ANXA10: variants seen among roughly 807,000 people sequenced by gnomAD.
The protein encoded by ANXA10 is annexin 14.
ANXA10 carries 49 observed loss-of-function variants against 53.5 expected under a neutral mutation model. The observed-to-expected ratio is 0.92, with a 90% CI of 0.73 to 1.16. ANXA10 has a LOEUF of 1.16. ANXA10 is among the 50% of genes most tolerant of loss of function. The probability of loss-of-function intolerance (pLI) is 0.00; values close to 1 mark genes in which losing one functional copy is unlikely to be tolerated. For synonymous variants in ANXA10, 131 were observed against 128.9 expected (o/e 1.02, Z -0.11); for missense variants, 393 against 394.4 (o/e 1.00, Z 0.03).
intron 3 of ANXA10, among the ~76,000 whole-genome samples, chr4:168,143,063 C>T (rs1731351085): frequency 6.6e-6 from 1 of 152,092 alleles, no homozygotes; most frequent in Admixed American, 6.6e-5. Context: ...AAAGGAAAAG[C>T]ATCCTTTCAT....
chr4:168,183,764 A>G (rs974927849), intron 10 of ANXA10, among the ~76,000 whole-genome samples: 2 of 152,214 alleles, frequency 1.3e-5, no homozygotes, highest in African/African-American at 4.8e-5. Context: ...AGTGAACTCT[A>G]AAGTGAACGA....
At chr4:168,180,573 A>G (rs1732221111) in intron 9 of ANXA10, among the ~76,000 whole-genome samples, 1 of 152,220 alleles carries the variant, frequency 6.6e-6, no homozygotes, top group South Asian at 2.1e-4. Context: ...ACAATGAAAC[A>G]ACAAAAACAG....
chr4:168,118,403 ACT>A (rs2149467811), intron 1 of ANXA10, among the ~76,000 whole-genome samples: 1 of 152,220 alleles, frequency 6.6e-6, no homozygotes, highest in South Asian at 2.1e-4. Flanking sequence ...AGCTATTGTA[ACT>A]CTGCAGGGTC....
intron 2 of ANXA10, among the ~76,000 whole-genome samples, chr4:168,133,165 T>C (rs1731180952): frequency 6.6e-6 from 1 of 152,090 alleles, no homozygotes; most frequent in Non-Finnish European, 1.5e-5. Flanking sequence ...CCAAGCATAG[T>C]GCTGAAGTAC....
chr4:168,169,446 A>C (rs955110706), intron 6 of ANXA10, among the ~76,000 whole-genome samples: 17 of 152,188 alleles, frequency 1.1e-4, no homozygotes, highest in Admixed American at 1.1e-3. Context: ...TATTTTCCTA[A>C]GGACTTTATT....
chr4:168,154,782 G>T (rs1384089836), intron 3 of ANXA10, among the ~76,000 whole-genome samples: 1 of 152,102 alleles, frequency 6.6e-6, no homozygotes, highest in African/African-American at 2.4e-5. Flanking sequence ...TTGTGTGCCT[G>T]ATTTTCTTAT....
chr4:168,117,444 T>C (rs1730912369), intron 1 of ANXA10, among the ~76,000 whole-genome samples: 1 of 152,326 alleles, frequency 6.6e-6, no homozygotes, highest in South Asian at 2.1e-4. Flanking sequence ...CATCACTTCA[T>C]GGTTTCTTAT....
chr4:168,160,713 C>T (rs1442545711), intron 3 of ANXA10, among the ~76,000 whole-genome samples: 1 of 152,092 alleles, frequency 6.6e-6, no homozygotes, highest in Non-Finnish European at 1.5e-5. Flanking sequence ...CACAACCTCA[C>T]CAACATCTGT....
In ANXA10 at chr4:168,148,174, ATT is replaced by A. The variant is rs35381933; in HGVS notation, c.195+8609_195+8610del. 1.0e-3 allele frequency among the ~76,000 whole-genome samples: 148 copies of A among 143,052 alleles called. 1 individual carries two copies. Among genetic ancestry groups the A allele is most frequent in the Middle Eastern group, 3.5e-3 (1 of 282 alleles). The allele number at this position is 143,052 out of a possible 152,430, so 93.8% of individuals were successfully genotyped here. ...AATTGGGTTTGACCCATATGTGACA[ATT>A]TTTTTTTTTTTTTTGAGACGGAATC... On this transcript the variant is annotated intron_variant, in intron 3 of 11. Transcript: ENST00000359299.
At chr4:168,141,339 A>G (rs1239671266) in intron 3 of ANXA10, among the ~76,000 whole-genome samples, 2 of 152,192 alleles carry the variant, frequency 1.3e-5, no homozygotes, top group Admixed American at 6.5e-5. Flanking sequence ...TTCTCTCTTT[A>G]AACTGACTTA....
chr4:168,180,178 C>T (rs551354257), intron 9 of ANXA10, among the ~76,000 whole-genome samples: 2 of 151,852 alleles, frequency 1.3e-5, no homozygotes, highest in African/African-American at 4.8e-5. Context: ...TGATGAAACC[C>T]CTAAAATAGT....
intron 3 of ANXA10, among the ~76,000 whole-genome samples, chr4:168,153,354 C>A (rs553127136): frequency 2.1e-4 from 30 of 144,234 alleles, no homozygotes; most frequent in Non-Finnish European, 4.3e-4. Context: ...CTTCCCCATC[C>A]CTCTTTTCTG....
chr4:168,177,659 T>A lies in ANXA10; in HGVS notation c.481-81T>A, dbSNP rs558833353. The A allele has an allele frequency of 1.1e-5, 15 of 1,380,198 alleles. No homozygotes were observed. The Admixed American group carries it at 2.4e-4, about 22-fold the overall frequency. The allele number at this position is 1,380,198 out of a possible 1,614,324, so 85.5% of individuals were successfully genotyped here. A position where few individuals can be genotyped will look rare whatever the true frequency, so the allele number is the denominator to read the frequency against. ...TTCCTTAGGAACAATCAGAATGTTT[T>A]TCAAGGATTTCAGTCTCACTAATCC... On this transcript the variant is annotated intron_variant, in intron 6 of 11. Coordinates refer to ENST00000359299, the MANE Select transcript of ANXA10 (RefSeq NM_007193.5).
intron 6 of ANXA10, among the ~76,000 whole-genome samples, chr4:168,169,308 C>G (rs1035199485): frequency 6.6e-6 from 1 of 152,072 alleles, no homozygotes; most frequent in Non-Finnish European, 1.5e-5. Context: ...ATTAAAGCAA[C>G]AGTTTCCACT....
At chr4:168,126,550 A>G (rs1342327425) in intron 1 of ANXA10, among the ~76,000 whole-genome samples, 1 of 152,106 alleles carries the variant, frequency 6.6e-6, no homozygotes, top group Non-Finnish European at 1.5e-5. Context: ...CTGCAGTCCC[A>G]CTTCCCAGAT....
chr4:168,161,855 C>T (rs1217022448), intron 3 of ANXA10, among the ~76,000 whole-genome samples: 1 of 152,030 alleles, frequency 6.6e-6, no homozygotes, highest in African/African-American at 2.4e-5. Flanking sequence ...CATGATTTGG[C>T]TCTTGGCTTG....
chr4:168,129,271 T>C (rs1731122285), intron 2 of ANXA10, among the ~76,000 whole-genome samples: 1 of 152,192 alleles, frequency 6.6e-6, no homozygotes, highest in African/African-American at 2.4e-5. Flanking sequence ...CTTTAGGAGT[T>C]TGCAATGCTT....
At chr4:168,124,267 A>AT (rs1413986441) in intron 1 of ANXA10, among the ~76,000 whole-genome samples, 1 of 152,204 alleles carries the variant, frequency 6.6e-6, no homozygotes, top group Non-Finnish European at 1.5e-5. Context: ...GACGGTCGCC[A>AT]TGATCATAAG....
chr4:168,187,590 A>G lies in ANXA10; in HGVS notation c.*156A>G. The G allele has an allele frequency of 4.4e-6, 2 of 452,956 alleles. No individual in the cohort carries two copies. The highest frequency in any genetic ancestry group is 7.7e-6 in the Non-Finnish European group (2 of 260,344). 28.1% of individuals were successfully genotyped at this position (452,956 alleles called of 1,614,324 possible). On this transcript the variant is annotated 3_prime_UTR_variant, in exon 12 of 12. Transcript: ENST00000359299. ...AAATTATTCTAAGCCAAAGAAAACT[A>G]TGAATGAAAGTATATGATACTGAAT...
Sources: allele counts gnomAD v4.1 joint callset (sites outside exome capture counted in the v4.1 genomes callset), GRCh38; gene constraint gnomAD v4.1.1; transcripts MANE v1.5; gene names NCBI Gene and HGNC (gene_info 2026-07-23, HGNC 2026-07-21).